The following BRIP1 variants were observed in gnomAD, a reference collection of about 807,000 sequenced individuals.
BRIP1 encodes the protein BRCA1 interacting DNA helicase 1, also known as Fanconi anemia group J protein.
BRIP1 carries 88 observed loss-of-function variants against 119.7 expected under a neutral mutation model. The ratio of observed to expected loss-of-function variants is 0.74; its 90% CI spans 0.62 to 0.88. The LOEUF (loss-of-function observed/expected upper bound fraction) is 0.88. BRIP1 is among the 40% of genes least tolerant of loss of function. The pLI is 0.00. For synonymous variants in BRIP1, 443 were observed against 496.5 expected (o/e 0.89, Z 1.43); for missense variants, 1,259 against 1,455.4 (o/e 0.87, Z 2.20).
chr17:61,715,275 T>G (rs996967577), intron 17 of BRIP1, among the ~76,000 whole-genome samples: 3 of 152,000 alleles, frequency 2.0e-5, no homozygotes, highest in African/African-American at 7.2e-5. Flanking sequence ...TTCAATGTTA[T>G]CCTTCAACAT....
chr17:61,734,289 C>T lies in BRIP1; in HGVS notation c.2379+8724G>A, dbSNP rs1003758676. On this transcript the variant is annotated intron_variant, in intron 16 of 19. Transcript: ENST00000259008. The surrounding 1 kb of genome is among the most constrained non-coding windows in gnomAD (Gnocchi z 5.2). ...TGATTTAATTACATGAAAAAGAAAA[C>T]AACTTTTATTTTAGTTATACTTTTC... Among the ~76,000 whole-genome samples the T allele has an allele frequency of 2.0e-5, 3 of 151,956 alleles. No homozygotes were observed. Among genetic ancestry groups the T allele is most frequent in the African/African-American group, 7.3e-5 (3 of 41,280 alleles).
intron 16 of BRIP1, among the ~76,000 whole-genome samples, chr17:61,721,472 T>C (rs2061974285): frequency 6.6e-6 from 1 of 151,344 alleles, no homozygotes; most frequent in South Asian, 2.1e-4. Context: ...GGTTTCACCA[T>C]GTTGACCAGG....
Position 61,729,598 on chromosome 17 carries a change from A to C in BRIP1, c.2379+13415T>G, listed in dbSNP as rs1181444380. 6.6e-6 allele frequency among the ~76,000 whole-genome samples: 1 copy of C among 152,186 alleles called. No individual in the cohort carries two copies. The highest frequency in any genetic ancestry group is 6.5e-5 in the Admixed American group (1 of 15,284). Reference sequence around the variant, plus strand: ...GAAGCAGGGGCTAGAAGTGGGGTGCAGGCCAAAAGACTGTTATAAGAAAAA... The same window carrying C: ...GAAGCAGGGGCTAGAAGTGGGGTGCCGGCCAAAAGACTGTTATAAGAAAAA... On this transcript the variant is annotated intron_variant, in intron 16 of 19. Transcript: ENST00000259008. This position sits in a 1 kb window ranked among gnomAD's most constrained non-coding sequence, Gnocchi z 5.6.
Position 61,722,287 on chromosome 17 carries a change from T to A in BRIP1, c.2380-6224A>T, listed in dbSNP as rs4580256. Reference sequence around the variant, plus strand: ...TGATCTCCAGACCTGGTGATCCCTCTGCCTCGGCTTCCCAAAGGGCTGAGA... The same window carrying A: ...TGATCTCCAGACCTGGTGATCCCTCAGCCTCGGCTTCCCAAAGGGCTGAGA... On this transcript the variant is annotated intron_variant, in intron 16 of 19. Transcript: ENST00000259008. The surrounding 1 kb of genome is among the most constrained non-coding windows in gnomAD (Gnocchi z 4.6). 1.3e-5 allele frequency among the ~76,000 whole-genome samples: 2 copies of A among 151,884 alleles called. No individual in the cohort carries two copies. Among genetic ancestry groups the A allele is most frequent in the African/African-American group, 4.8e-5 (2 of 41,322 alleles).
chr17:61,842,888 T>TA lies in BRIP1; in HGVS notation c.627+4212dup, dbSNP rs1201266639. ...ATAGCTAAACATAATACCAAGAGTT[T>TA]AAAAAATCAAGGTTATACAGTTAAT... On this transcript the variant is annotated intron_variant, in intron 6 of 19. Coordinates refer to ENST00000259008, the MANE Select transcript of BRIP1 (RefSeq NM_032043.3). This position sits in a 1 kb window ranked among gnomAD's most constrained non-coding sequence, Gnocchi z 5.1. Among the ~76,000 whole-genome samples, 5 of 152,160 alleles carry TA rather than the reference T, an allele frequency of 3.3e-5. No individual in the cohort carries two copies. The highest frequency in any genetic ancestry group is 1.2e-4 in the African/African-American group (5 of 41,434).
intron 14 of BRIP1, among the ~76,000 whole-genome samples, chr17:61,765,379 T>G (rs1266518518): frequency 1.1e-4 from 4 of 37,740 alleles, no homozygotes; most frequent in African/African-American, 4.4e-4. Flanking sequence ...TGTGTATATA[T>G]TATATATATA....
chr17:61,799,843 T>C lies in BRIP1; in HGVS notation c.1141-544A>G, dbSNP rs2077963278. Among the ~76,000 whole-genome samples, 1 of 151,544 alleles carries C rather than the reference T, an allele frequency of 6.6e-6. No homozygotes were observed. Among genetic ancestry groups the C allele is most frequent in the Non-Finnish European group, 1.5e-5 (1 of 67,902 alleles). On this transcript the variant is annotated intron_variant, in intron 8 of 19. Coordinates refer to ENST00000259008, the MANE Select transcript of BRIP1 (RefSeq NM_032043.3). This position sits in a 1 kb window ranked among gnomAD's most constrained non-coding sequence, Gnocchi z 5.1. ...CTGCAATCCTTCTCCAACATGGGAG[T>C]TGGAGAATTGTTCTTCTCCAACTCC...
chr17:61,685,774 C>G (rs2144106126), intron 19 of BRIP1, 62 bp downstream of exon 19: 1 of 1,375,310 alleles, frequency 7.3e-7, no homozygotes, highest in South Asian at 1.2e-5. Flanking sequence ...AAATAAATAT[C>G]ATTTCACTAA....
At position 61,729,372 on chromosome 17, in the gene BRIP1, C is replaced by T. The variant is rs2076813624; in HGVS notation, c.2380-13309G>A. 6.6e-6 allele frequency among the ~76,000 whole-genome samples: 1 copy of T among 152,022 alleles called. No individual in the cohort carries two copies. The highest frequency in any genetic ancestry group is 6.6e-5 in the Admixed American group (1 of 15,252). Reference sequence around the variant, plus strand: ...GTATTTTCATAGTCATGATAATGTACATAATAACTATAGATTTAATTAAAA... The same window carrying T: ...GTATTTTCATAGTCATGATAATGTATATAATAACTATAGATTTAATTAAAA... On this transcript the variant is annotated intron_variant, in intron 16 of 19. Coordinates refer to ENST00000259008, the MANE Select transcript of BRIP1 (RefSeq NM_032043.3). This position sits in a 1 kb window ranked among gnomAD's most constrained non-coding sequence, Gnocchi z 5.6.
intron 6 of BRIP1, among the ~76,000 whole-genome samples, chr17:61,838,974 C>T (rs146680958): frequency 6.6e-6 from 1 of 151,936 alleles, no homozygotes; most frequent in Non-Finnish European, 1.5e-5. Context: ...CCACCTATCC[C>T]AAAATCTACA....
chr17:61,712,155 T>C (rs1336198127), intron 17 of BRIP1, among the ~76,000 whole-genome samples: 1 of 152,180 alleles, frequency 6.6e-6, no homozygotes, highest in Non-Finnish European at 1.5e-5. Flanking sequence ...TGATTAGTTG[T>C]GGGACTTCTG....
Position 61,704,067 on chromosome 17 carries a change from G to A in BRIP1, c.2493-10555C>T, listed in dbSNP as rs1250567770. Among the ~76,000 whole-genome samples the A allele has an allele frequency of 2.0e-5, 3 of 152,078 alleles. No homozygotes were observed. The highest frequency in any genetic ancestry group is 4.4e-5 in the Non-Finnish European group (3 of 68,006). ...AGTTGATTTTTGTATATGGTAAAAG[G>A]TAGGGGGTGCAGTTTCATTCTTTTG... On this transcript the variant is annotated intron_variant, in intron 17 of 19. Coordinates refer to ENST00000259008, the MANE Select transcript of BRIP1 (RefSeq NM_032043.3). The surrounding 1 kb of genome is among the most constrained non-coding windows in gnomAD (Gnocchi z 5.7).
chr17:61,817,143 T>C (rs2078248564), intron 6 of BRIP1, among the ~76,000 whole-genome samples: 1 of 152,150 alleles, frequency 6.6e-6, no homozygotes, highest in Non-Finnish European at 1.5e-5. Context: ...AAATATACTC[T>C]TGTGCCCATC....
At chr17:61,833,346 A>T (rs1191757801) in intron 6 of BRIP1, among the ~76,000 whole-genome samples, 1 of 152,210 alleles carries the variant, frequency 6.6e-6, no homozygotes, top group Non-Finnish European at 1.5e-5. Flanking sequence ...ACCATAGAGA[A>T]TACTATGTTT....
At chr17:61,718,352 A>T (rs1378275025) in intron 16 of BRIP1, among the ~76,000 whole-genome samples, 1 of 151,952 alleles carries the variant, frequency 6.6e-6, no homozygotes, top group Non-Finnish European at 1.5e-5. Flanking sequence ...CAAAGGTGAA[A>T]CTCTACTGAT....
chr17:61,818,538 A>T (rs2078272035), intron 6 of BRIP1, among the ~76,000 whole-genome samples: 1 of 152,224 alleles, frequency 6.6e-6, no homozygotes, highest in South Asian at 2.1e-4. Flanking sequence ...CATATGAAAG[A>T]GTGTAAGTAT....
Position 61,730,080 on chromosome 17 carries a change from CT to C in BRIP1, c.2379+12932del, listed in dbSNP as rs1161472194. 6.6e-6 allele frequency among the ~76,000 whole-genome samples: 1 copy of C among 152,170 alleles called. No individual in the cohort carries two copies. Among genetic ancestry groups the C allele is most frequent in the Non-Finnish European group, 1.5e-5 (1 of 68,030 alleles). On this transcript the variant is annotated intron_variant, in intron 16 of 19. Transcript: ENST00000259008. The surrounding 1 kb of genome is among the most constrained non-coding windows in gnomAD (Gnocchi z 4.3). ...AAAATACACTGAGTTATTTGTATAG[CT>C]TACTATAGTCACTGACGCACTGGGG...
At position 61,832,493 on chromosome 17, in the gene BRIP1, G is replaced by A. The variant is rs891535338; in HGVS notation, c.627+14608C>T. Among the ~76,000 whole-genome samples, 2 of 152,126 alleles carry A rather than the reference G, an allele frequency of 1.3e-5. No individual in the cohort carries two copies. Among genetic ancestry groups the A allele is most frequent in the Non-Finnish European group, 2.9e-5 (2 of 68,026 alleles). On this transcript the variant is annotated intron_variant, in intron 6 of 19. Coordinates refer to ENST00000259008, the MANE Select transcript of BRIP1 (RefSeq NM_032043.3). This position sits in a 1 kb window ranked among gnomAD's most constrained non-coding sequence, Gnocchi z 5.5. ...ATTAATCAAGTTATCAATCATTAAT[G>A]AGAAAAAATGAAACTGCGTGCCACC...
At position 61,842,484 on chromosome 17, in the gene BRIP1, G is replaced by A. The variant is rs981656687; in HGVS notation, c.627+4617C>T. 6.6e-6 allele frequency among the ~76,000 whole-genome samples: 1 copy of A among 152,132 alleles called. No homozygotes were observed. The highest frequency in any genetic ancestry group is 1.5e-5 in the Non-Finnish European group (1 of 68,018). On this transcript the variant is annotated intron_variant, in intron 6 of 19. Transcript: ENST00000259008. The surrounding 1 kb of genome is among the most constrained non-coding windows in gnomAD (Gnocchi z 5.1). ...CAAAGAAATGACAAATGTTTGAGGCGATGGATATGTTAATTACTCTGATTT... is the reference window on the plus strand; with the variant it reads ...CAAAGAAATGACAAATGTTTGAGGCAATGGATATGTTAATTACTCTGATTT...
Sources: allele counts gnomAD v4.1 joint callset (sites outside exome capture counted in the v4.1 genomes callset), GRCh38; gene constraint gnomAD v4.1.1; non-coding constraint Gnocchi (gnomAD v3.1); transcripts MANE v1.5; gene names NCBI Gene and HGNC (gene_info 2026-07-23, HGNC 2026-07-21).